SRBD1: variants seen among roughly 807,000 people sequenced by gnomAD.
SRBD1 encodes S1 RNA-binding domain-containing protein 1.
Under a neutral mutation model 115.3 loss-of-function variants are expected in SRBD1, and 88 were observed. That is an observed-to-expected ratio of 0.76 (90% CI 0.64 to 0.91). The LOEUF is 0.91. Among genes scored for constraint, SRBD1 ranks in the 40% least tolerant of loss-of-function variants. SRBD1 has a pLI of 0.00. For synonymous variants in SRBD1, 509 were observed against 407.7 expected, an observed-to-expected ratio of 1.25 and a Z score of -2.99; for missense variants, 1,385 against 1,177.4, an observed-to-expected ratio of 1.18 and a Z score of -2.58.
intron 16 of SRBD1, among the ~76,000 whole-genome samples, chr2:45,471,931 T>C (rs1479315203): frequency 6.6e-6 from 1 of 152,198 alleles, no homozygotes; most frequent in Non-Finnish European, 1.5e-5. Flanking sequence ...ATTCATGACA[T>C]GGCTTTAAAA....
intron 16 of SRBD1, among the ~76,000 whole-genome samples, chr2:45,450,483 C>G (rs552125571): frequency 6.6e-6 from 1 of 152,210 alleles, no homozygotes; most frequent in South Asian, 2.1e-4. Flanking sequence ...ATCTTCTATA[C>G]TGGAAGAGTT....
chr2:45,431,628 G>C (rs985080556), intron 16 of SRBD1, among the ~76,000 whole-genome samples: 1 of 152,134 alleles, frequency 6.6e-6, no homozygotes, highest in African/African-American at 2.4e-5. Flanking sequence ...GGCCTGTCAG[G>C]GGGTGGAAGG....
chr2:45,516,982 T>G (rs1270231277), intron 14 of SRBD1, among the ~76,000 whole-genome samples: 1 of 152,192 alleles, frequency 6.6e-6, no homozygotes, highest in Admixed American at 6.5e-5. Context: ...GCTTACATGT[T>G]AGCCAATATT....
At chr2:45,563,795 G>A (rs184245885) in intron 9 of SRBD1, among the ~76,000 whole-genome samples, 11 of 152,200 alleles carry the variant, frequency 7.2e-5, no homozygotes, top group East Asian at 1.9e-4. Context: ...TATGGACACT[G>A]AATTAGTAAT....
chr2:45,393,538 G>A (rs948355736), intron 19 of SRBD1, among the ~76,000 whole-genome samples: 5 of 152,028 alleles, frequency 3.3e-5, no homozygotes, highest in Admixed American at 6.6e-5. Context: ...CCGCCACCAC[G>A]CCCAGCTAAT....
In SRBD1 at chr2:45,393,105, T is replaced by C. The variant is rs1667051425; in HGVS notation, c.2538A>G (p.Thr846=). 1.2e-6 allele frequency: 2 copies of C among 1,611,510 alleles called. No homozygotes were observed. The highest frequency in any genetic ancestry group is 8.5e-7 in the Non-Finnish European group (1 of 1,179,210). Reference sequence around the variant, plus strand: ...TTTCAGGCTTTCCAACCTCATACAGTGTCCCTCCAATGGATGACAAAAACC... The same window carrying C: ...TTTCAGGCTTTCCAACCTCATACAGCGTCCCTCCAATGGATGACAAAAACC... ...AMRFLSSIGG[T]LYEVGKPEMQ... Residue 846 remains threonine, a synonymous_variant, in exon 20 of 21, where the codon ACA becomes ACG. Transcript: ENST00000263736.
In SRBD1 at chr2:45,389,553, A is replaced by G. The variant is rs1413566039; in HGVS notation, c.2745T>C (p.Asp915=). Residue 915 remains aspartate, a synonymous_variant, in exon 21 of 21, where the codon GAT becomes GAC. Coordinates refer to ENST00000263736, the MANE Select transcript of SRBD1 (RefSeq NM_018079.5). ...CTGTAAGAACTGTCCCAATCTGCAG[A>G]TCTTCCAGGCATACTATGCTTCTCT... ...DFKRSIVCLE[D]LQIGTVLTGK... 1 of 1,613,908 alleles carries G rather than the reference A, an allele frequency of 6.2e-7. No homozygotes were observed. Among genetic ancestry groups the G allele is most frequent in the Non-Finnish European group, 8.5e-7 (1 of 1,179,950 alleles).
intron 14 of SRBD1, among the ~76,000 whole-genome samples, chr2:45,490,646 T>C (rs1299940193): frequency 6.6e-6 from 1 of 152,104 alleles, no homozygotes; most frequent in Non-Finnish European, 1.5e-5. Flanking sequence ...ACTTAAATGG[T>C]AAATAAAAAT....
Position 45,562,762 on chromosome 2 carries a change from T to A in SRBD1, c.1306-6A>T, listed in dbSNP as rs774498573. 6.3e-7 allele frequency: 1 copy of A among 1,595,708 alleles called. No individual in the cohort carries two copies. The highest frequency in any genetic ancestry group is 8.5e-7 in the Non-Finnish European group (1 of 1,170,644). ...CCACGGTTAATTGCCAGAATCTGAG[T>A]GCAAACATAAGGCAAAGACTAATAA... On this transcript the variant is annotated splice_region_variant and splice_polypyrimidine_tract_variant and intron_variant, in intron 9 of 20. Transcript: ENST00000263736.
At chr2:45,418,226 G>A in intron 18 of SRBD1, 139 bp downstream of exon 18, 3 of 943,502 alleles carry the variant, frequency 3.2e-6, no homozygotes, top group Admixed American at 2.8e-5. Context: ...GCCTACCAAA[G>A]GACAGTCACT....
At chr2:45,572,620 T>C (rs1051927186) in intron 9 of SRBD1, among the ~76,000 whole-genome samples, 2 of 151,990 alleles carry the variant, frequency 1.3e-5, no homozygotes, top group Non-Finnish European at 2.9e-5. Flanking sequence ...TACAAAGAAA[T>C]AAAGAACACT....
chr2:45,564,957 A>G (rs751958113), intron 9 of SRBD1, among the ~76,000 whole-genome samples: 2 of 152,226 alleles, frequency 1.3e-5, no homozygotes, highest in Non-Finnish European at 2.9e-5. Context: ...TGAAAACTAC[A>G]AAACATTGTT....
At chr2:45,442,044 C>T (rs186794285) in intron 16 of SRBD1, among the ~76,000 whole-genome samples, 2 of 152,280 alleles carry the variant, frequency 1.3e-5, no homozygotes, top group East Asian at 3.9e-4. Context: ...GAACTCAAAA[C>T]TTAAGCTTCT....
intron 15 of SRBD1, among the ~76,000 whole-genome samples, chr2:45,484,018 A>G (rs1670042823): frequency 6.6e-6 from 1 of 152,104 alleles, no homozygotes; most frequent in South Asian, 2.1e-4. Context: ...TACTTTATGT[A>G]AATATATCTC....
At chr2:45,462,977 T>C (rs1469698951) in intron 16 of SRBD1, among the ~76,000 whole-genome samples, 1 of 148,900 alleles carries the variant, frequency 6.7e-6, no homozygotes, top group Non-Finnish European at 1.5e-5. Flanking sequence ...ATAAGTAACT[T>C]TTCTTACATG....
chr2:45,603,776 C>T (rs1012515203), intron 2 of SRBD1, among the ~76,000 whole-genome samples: 21 of 152,096 alleles, frequency 1.4e-4, no homozygotes, highest in African/African-American at 4.6e-4. Flanking sequence ...GTGATCAGCC[C>T]GACGTGGCCT....
rs1674240121 is a variant in SRBD1 at position 45,605,497 on chromosome 2, TG to T, written c.1-57del. The T allele has an allele frequency of 4.0e-6, 6 of 1,501,296 alleles. No homozygotes were observed. In the Admixed American group the frequency reaches 1.0e-4, roughly 26 times the overall value. The allele number at this position is 1,501,296 out of a possible 1,614,324, so 93.0% of individuals were successfully genotyped here. ...ACTTGAATATTCTTATCACTTTATTTGGCTACAAGTAATGGGTCATTCAAAA... is the reference window on the plus strand; with the variant it reads ...ACTTGAATATTCTTATCACTTTATTTGCTACAAGTAATGGGTCATTCAAAA... On this transcript the variant is annotated intron_variant, in intron 1 of 20. Transcript: ENST00000263736.
chr2:45,586,534 T>C (rs1673527619), intron 4 of SRBD1, among the ~76,000 whole-genome samples: 1 of 152,134 alleles, frequency 6.6e-6, no homozygotes, highest in Non-Finnish European at 1.5e-5. Flanking sequence ...TTCAAGCTAA[T>C]TAATTACTTT....
chr2:45,605,496 T>C lies in SRBD1; in HGVS notation c.1-55A>G, dbSNP rs1313422488. 12 of 1,525,588 alleles carry C rather than the reference T, an allele frequency of 7.9e-6. No individual in the cohort carries two copies. In the African/African-American group the frequency reaches 8.2e-5, roughly 10 times the overall value. The allele number at this position is 1,525,588 out of a possible 1,614,324, so 94.5% of individuals were successfully genotyped here. On this transcript the variant is annotated intron_variant, in intron 1 of 20. Coordinates refer to ENST00000263736, the MANE Select transcript of SRBD1 (RefSeq NM_018079.5). ...CACTTGAATATTCTTATCACTTTAT[T>C]TGGCTACAAGTAATGGGTCATTCAA...
Sources: allele counts gnomAD v4.1 joint callset (sites outside exome capture counted in the v4.1 genomes callset), GRCh38; gene constraint gnomAD v4.1.1; transcripts MANE v1.5; gene names NCBI Gene and HGNC (gene_info 2026-07-23, HGNC 2026-07-21).